PRDM2: variants seen among roughly 807,000 people sequenced by gnomAD.
PRDM2 encodes PR/SET domain 2.
In PRDM2, 30 loss-of-function variants were observed where a neutral mutation model predicts 130.0. The observed-to-expected ratio is 0.23, with a 90% confidence interval of 0.17 to 0.31. The LOEUF (loss-of-function observed/expected upper bound fraction) is 0.31. Ranked by LOEUF, PRDM2 falls within the 10% of genes least tolerant of loss-of-function variation. The pLI is 1.00. For missense variants in PRDM2, 2,011 were observed against 2,108.4 expected, an observed-to-expected ratio of 0.95 and a Z score of 0.90; for synonymous variants, 871 against 782.4, an observed-to-expected ratio of 1.11 and a Z score of -1.89.
chr1:13,786,065 C>T (rs1644731634), intron 8 of PRDM2, among the ~76,000 whole-genome samples: 1 of 151,950 alleles, frequency 6.6e-6, no homozygotes, highest in Non-Finnish European at 1.5e-5. Flanking sequence ...GTCTCGATCT[C>T]CTGACCTTAT....
chr1:13,804,096 T>G lies in PRDM2; in HGVS notation c.5037-12331T>G, dbSNP rs987219141. Among the ~76,000 whole-genome samples the G allele has an allele frequency of 2.1e-4, 32 of 152,180 alleles. 1 individual carries two copies. Among genetic ancestry groups the G allele is most frequent in the Admixed American group, 3.9e-4 (6 of 15,282 alleles). ...CACGAGTTACTTAACCTCTCTGTGTTGCTGTCCCCTCTGCCATAAAAAGGG... is the reference window on the plus strand; with the variant it reads ...CACGAGTTACTTAACCTCTCTGTGTGGCTGTCCCCTCTGCCATAAAAAGGG... On this transcript the variant is annotated intron_variant, in intron 8 of 9. Coordinates refer to ENST00000311066, the MANE Select transcript of PRDM2 (RefSeq NM_001393986.1).
intron 5 of PRDM2, among the ~76,000 whole-genome samples, chr1:13,747,076 C>A (rs1211072065): frequency 6.6e-6 from 1 of 152,236 alleles, no homozygotes; most frequent in Non-Finnish European, 1.5e-5. Flanking sequence ...GTTAGCACTT[C>A]ACTGACAACT....
chr1:13,744,778 G>C (rs769736549), intron 5 of PRDM2, among the ~76,000 whole-genome samples: 1 of 152,084 alleles, frequency 6.6e-6, no homozygotes, highest in Non-Finnish European at 1.5e-5. Flanking sequence ...ACCTCCCCCA[G>C]TCTTTATCTT....
At chr1:13,742,363 G>A (rs1024563450) in intron 5 of PRDM2, among the ~76,000 whole-genome samples, 6 of 152,168 alleles carry the variant, frequency 3.9e-5, no homozygotes, top group East Asian at 1.9e-4. Context: ...CACCACACCC[G>A]GCTGAGTTTT....
chr1:13,819,164 C>T (rs558505181), intron 9 of PRDM2, among the ~76,000 whole-genome samples: 10 of 152,260 alleles, frequency 6.6e-5, no homozygotes, highest in East Asian at 1.9e-4. Flanking sequence ...TCTCTGCAGC[C>T]GGAGGGAGAG....
At chr1:13,735,779 A>G (rs557491623) in intron 4 of PRDM2, among the ~76,000 whole-genome samples, 1 of 152,322 alleles carries the variant, frequency 6.6e-6, no homozygotes, top group South Asian at 2.1e-4. Context: ...TATATGTTCT[A>G]ATAAAGCTTT....
intron 6 of PRDM2, among the ~76,000 whole-genome samples, chr1:13,751,256 A>G (rs1643826890): frequency 6.6e-6 from 1 of 152,140 alleles, no homozygotes; most frequent in African/African-American, 2.4e-5. Flanking sequence ...TAAATAGTTC[A>G]TATTTCTTAT....
intron 8 of PRDM2, chr1:13,787,955 A>G (rs1439378197): frequency 1.9e-5 from 19 of 985,308 alleles, no homozygotes; most frequent in Non-Finnish European, 2.3e-5. Context: ...CATTGAAATC[A>G]TTGGGGCTTG....
At chr1:13,816,129 C>T (rs574108277) in intron 8 of PRDM2, among the ~76,000 whole-genome samples, 120 of 152,296 alleles carry the variant, frequency 7.9e-4, no homozygotes, top group African/African-American at 2.4e-3. Context: ...GGTCACCAGA[C>T]GGCACTGCCC....
At chr1:13,704,618 A>G (rs1405823239) in intron 1 of PRDM2, among the ~76,000 whole-genome samples, 1 of 152,184 alleles carries the variant, frequency 6.6e-6, no homozygotes, top group Non-Finnish European at 1.5e-5. Flanking sequence ...TGTTAGTTTG[A>G]TTATAGGGGG....
At chr1:13,773,229 T>C in intron 7 of PRDM2, 41 bp downstream of exon 7, 4 of 1,144,054 alleles carry the variant, frequency 3.5e-6, no homozygotes, top group Non-Finnish European at 3.6e-6. Flanking sequence ...TGGGTGTGTA[T>C]GTACCCAGTG....
intron 2 of PRDM2, among the ~76,000 whole-genome samples, chr1:13,728,329 T>C (rs1048990948): frequency 2.0e-5 from 3 of 152,152 alleles, no homozygotes; most frequent in Admixed American, 6.5e-5. Flanking sequence ...CAAATAAGCA[T>C]TTAAAATTGT....
chr1:13,722,876 A>G, intron 2 of PRDM2: 1 of 514,766 alleles, frequency 1.9e-6, no homozygotes, highest in Non-Finnish European at 3.9e-6. Context: ...TGCTTATTCA[A>G]GAAGACAAAA....
At chr1:13,736,977 A>T (rs1026090928) in intron 4 of PRDM2, among the ~76,000 whole-genome samples, 1 of 152,232 alleles carries the variant, frequency 6.6e-6, no homozygotes, top group African/African-American at 2.4e-5. Context: ...TTTTTAAAAG[A>T]TATATAAACT....
chr1:13,798,222 G>A (rs1188079016), intron 8 of PRDM2, among the ~76,000 whole-genome samples: 1 of 152,178 alleles, frequency 6.6e-6, no homozygotes. Context: ...GGATAATAGA[G>A]CCAAAGCTAC....
chr1:13,766,976 A>G (rs1644241123), intron 6 of PRDM2, among the ~76,000 whole-genome samples: 2 of 152,356 alleles, frequency 1.3e-5, no homozygotes, highest in South Asian at 4.1e-4. Context: ...TTATTAGGCT[A>G]GTAGAACATA....
At chr1:13,709,407 T>G (rs982843415) in intron 1 of PRDM2, among the ~76,000 whole-genome samples, 5 of 152,216 alleles carry the variant, frequency 3.3e-5, no homozygotes, top group Admixed American at 2.6e-4. Context: ...AATACCTTAA[T>G]AGCATTTTAA....
At chr1:13,784,934 G>A (rs1644702919) in intron 8 of PRDM2, among the ~76,000 whole-genome samples, 1 of 152,166 alleles carries the variant, frequency 6.6e-6, no homozygotes, top group South Asian at 2.1e-4. Context: ...GTGTTCTTGG[G>A]AATTAGAAAA....
intron 5 of PRDM2, among the ~76,000 whole-genome samples, chr1:13,747,789 A>G (rs1233922762): frequency 6.0e-5 from 9 of 150,004 alleles, no homozygotes; most frequent in Non-Finnish European, 1.2e-4. Flanking sequence ...AAAAAAAAAA[A>G]GAAACAAAAA....
Sources: gnomAD v4.1 joint callset for allele counts (sites outside exome capture counted in the v4.1 genomes callset) on GRCh38, gnomAD v4.1.1 for gene constraint, MANE v1.5 for transcripts, NCBI Gene and HGNC (gene_info 2026-07-23, HGNC 2026-07-21) for gene names.